The following FAT3 variants were observed in gnomAD, a reference collection of about 807,000 sequenced individuals.
The protein encoded by FAT3 is FAT atypical cadherin 3.
A neutral mutation model predicts 310.2 loss-of-function variants in FAT3; 95 were observed. The observed-to-expected ratio is 0.31, with a 90% CI of 0.26 to 0.36. The LOEUF is 0.36. Ranked by LOEUF, FAT3 falls within the 10% of genes least tolerant of loss-of-function variation. The pLI, the probability that FAT3 is intolerant of heterozygous loss-of-function variation, is 1.00. For missense variants in FAT3, 5,408 were observed against 5,715.6 expected (o/e 0.95, Z 1.74); for synonymous variants, 2,314 against 2,192.9 (o/e 1.06, Z -1.54).
At chr11:92,267,306 T>A (rs1159255276) in intron 1 of FAT3, among the ~76,000 whole-genome samples, 1 of 152,188 alleles carries the variant, frequency 6.6e-6, no homozygotes, top group African/African-American at 2.4e-5. Context: ...TTTCTTGTTC[T>A]TAAAGAATTT....
intron 7 of FAT3, among the ~76,000 whole-genome samples, chr11:92,775,075 A>G (rs1946564214): frequency 6.6e-6 from 1 of 152,094 alleles, no homozygotes; most frequent in African/African-American, 2.4e-5. Context: ...CTTAGTCCCT[A>G]CTGCGCTCTG....
At chr11:92,389,044 A>G (rs771292582) in intron 2 of FAT3, among the ~76,000 whole-genome samples, 9 of 152,134 alleles carry the variant, frequency 5.9e-5, no homozygotes, top group Non-Finnish European at 1.2e-4. Flanking sequence ...TCAGCTCTCC[A>G]TCCCCTGCCA....
intron 13 of FAT3, among the ~76,000 whole-genome samples, chr11:92,815,799 A>G (rs1398603213): frequency 6.6e-6 from 1 of 152,202 alleles, no homozygotes; most frequent in South Asian, 2.1e-4. Flanking sequence ...ATGGGGACAC[A>G]TTGGGAATTC....
chr11:92,881,872 T>C (rs989626159), intron 23 of FAT3, among the ~76,000 whole-genome samples: 6 of 152,228 alleles, frequency 3.9e-5, no homozygotes, highest in African/African-American at 1.4e-4. Context: ...GCTTTAGTCA[T>C]TCTTCCTGAA....
rs186638623 is a variant in FAT3 at position 92,455,720 on chromosome 11, T to C, written c.3293-68914T>C. 3.7e-3 allele frequency among the ~76,000 whole-genome samples: 556 copies of C among 152,308 alleles called. 5 individuals carry two copies. The highest frequency in any genetic ancestry group is 1.2e-3 in the Non-Finnish European group (81 of 68,030). ...CCTGAATCCTAGCTCCACTCCTTAC[T>C]TTTAGATCTTAAAGTTACTTAACCT... On this transcript the variant is annotated intron_variant, in intron 2 of 27. Transcript: ENST00000525166.
At chr11:92,402,092 A>G (rs2134870433) in intron 2 of FAT3, among the ~76,000 whole-genome samples, 1 of 152,336 alleles carries the variant, frequency 6.6e-6, no homozygotes, top group Middle Eastern at 3.4e-3. Flanking sequence ...TAATGGAAAA[A>G]GTATACAACA....
chr11:92,768,142 C>T (rs1027415010), intron 6 of FAT3, among the ~76,000 whole-genome samples: 5 of 152,158 alleles, frequency 3.3e-5, no homozygotes, highest in Non-Finnish European at 2.9e-5. Flanking sequence ...AAATGCTATA[C>T]TTTTCCTAGA....
rs780353000 is a variant in FAT3, at chr11:92,834,943, T to C, written c.9945T>C (p.Asp3315=). The C allele has an allele frequency of 2.5e-6, 4 of 1,613,092 alleles. No individual in the cohort carries two copies. Among genetic ancestry groups the C allele is most frequent in the Non-Finnish European group, 3.4e-6 (4 of 1,179,622 alleles). ...KRFYLVVEAK[D]GGTPALSAVA... ...TTTACCTGGTAGTGGAAGCCAAAGA[T>C]GGGGGCACCCCAGCTCTCAGCGCTG... Residue 3315 remains aspartate (D), a synonymous_variant, in exon 15 of 28, where the codon GAT becomes GAC. Transcript: ENST00000525166.
intron 2 of FAT3, among the ~76,000 whole-genome samples, chr11:92,386,273 C>G (rs1317740055): frequency 6.6e-6 from 1 of 152,196 alleles, no homozygotes; most frequent in East Asian, 1.9e-4. Context: ...CACTGTTCAG[C>G]TATGGGATTT....
At position 92,517,033 on chromosome 11, in the gene FAT3, T is replaced by C. The variant is rs2135332698; in HGVS notation, c.3293-7601T>C. ...CATGCTCATGGATAGGAAGAATAAA[T>C]ATCGTGAAAACGGCCATACTGCCCA... On this transcript the variant is annotated intron_variant, in intron 2 of 27. Coordinates refer to ENST00000525166, the MANE Select transcript of FAT3 (RefSeq NM_001367949.2). Among the ~76,000 whole-genome samples the C allele has an allele frequency of 1.3e-5, 2 of 152,228 alleles. 1 individual carries two copies. The highest frequency in any genetic ancestry group is 1.3e-4 in the Admixed American group (2 of 15,290).
chr11:92,300,695 A>G (rs1360355275), intron 1 of FAT3, among the ~76,000 whole-genome samples: 2 of 152,118 alleles, frequency 1.3e-5, no homozygotes, highest in Non-Finnish European at 2.9e-5. Flanking sequence ...GTCTGTTGCC[A>G]CTAAATGCAA....
intron 2 of FAT3, 38 bp downstream of exon 2, chr11:92,355,442 C>G: frequency 6.4e-7 from 1 of 1,563,058 alleles, no homozygotes. Flanking sequence ...GTTGTTTCAC[C>G]TCTTTTAAAT....
intron 2 of FAT3, among the ~76,000 whole-genome samples, chr11:92,373,601 A>G (rs1396321620): frequency 4.6e-5 from 7 of 152,136 alleles, no homozygotes; most frequent in Non-Finnish European, 1.0e-4. Flanking sequence ...ATATTATGCA[A>G]TATATAGTAT....
At chr11:92,603,278 G>A (rs1272744720) in intron 3 of FAT3, among the ~76,000 whole-genome samples, 1 of 152,152 alleles carries the variant, frequency 6.6e-6, no homozygotes, top group African/African-American at 2.4e-5. Context: ...CTAGGGGCGT[G>A]CAATTTCATA....
At chr11:92,387,495 T>C (rs554239327) in intron 2 of FAT3, among the ~76,000 whole-genome samples, 1 of 151,782 alleles carries the variant, frequency 6.6e-6, no homozygotes, top group Non-Finnish European at 1.5e-5. Flanking sequence ...GAAGTAAGGG[T>C]AGGGGAGAAG....
intron 3 of FAT3, among the ~76,000 whole-genome samples, chr11:92,669,116 C>CT (rs1433020682): frequency 1.3e-5 from 2 of 152,180 alleles, no homozygotes; most frequent in African/African-American, 4.8e-5. Context: ...TTTTCTAGAT[C>CT]TTTTTTCATC....
intron 2 of FAT3, among the ~76,000 whole-genome samples, chr11:92,359,625 C>T (rs1179349903): frequency 6.9e-6 from 1 of 144,916 alleles, no homozygotes; most frequent in Non-Finnish European, 1.5e-5. Flanking sequence ...GCTATCCCTC[C>T]CCGCTCCCCC....
chr11:92,625,699 G>A (rs941477458), intron 3 of FAT3, among the ~76,000 whole-genome samples: 3 of 151,300 alleles, frequency 2.0e-5, no homozygotes, highest in Non-Finnish European at 4.4e-5. Flanking sequence ...TGGGCAGATT[G>A]TCAGCCCCCA....
At chr11:92,853,260 AG>A (rs1403783350) in intron 19 of FAT3, among the ~76,000 whole-genome samples, 3 of 152,368 alleles carry the variant, frequency 2.0e-5, no homozygotes, top group South Asian at 2.1e-4. Flanking sequence ...GCGCCAGCTC[AG>A]GTACCAGCTC....
Sources: allele counts gnomAD v4.1 joint callset (sites outside exome capture counted in the v4.1 genomes callset), GRCh38; gene constraint gnomAD v4.1.1; transcripts MANE v1.5; gene names NCBI Gene and HGNC (gene_info 2026-07-23, HGNC 2026-07-21).